The following CTNNA2 variants were observed in gnomAD, a reference collection of about 807,000 sequenced individuals.
The protein encoded by CTNNA2 is catenin alpha 2, also known as catenin alpha-2.
CTNNA2 carries 42 observed loss-of-function variants against 101.0 expected under a neutral mutation model. The observed-to-expected ratio is 0.42, with a 90% confidence interval of 0.32 to 0.54. The LOEUF is 0.54. Ranked by LOEUF, CTNNA2 falls within the 20% of genes least tolerant of loss-of-function variation. The pLI is 0.14. For synonymous variants in CTNNA2, 450 were observed against 456.4 expected (o/e 0.99, Z 0.18); for missense variants, 871 against 1,223.1 (o/e 0.71, Z 4.29).
At chr2:80,550,658 A>G (rs749285297) in intron 11 of CTNNA2, among the ~76,000 whole-genome samples, 7 of 152,228 alleles carry the variant, frequency 4.6e-5, no homozygotes, top group Non-Finnish European at 1.0e-4. Context: ...TTGCTCATAC[A>G]TAAGCAATTC....
chr2:79,214,279 G>A (rs374573552), intron 2 of CTNNA2, among the ~76,000 whole-genome samples: 370 of 152,228 alleles, frequency 2.4e-3, no homozygotes, highest in African/African-American at 8.0e-3. Flanking sequence ...AAGTGAAAGC[G>A]AAGAGAGGCT....
chr2:80,505,326 G>A (rs893476705), intron 9 of CTNNA2, among the ~76,000 whole-genome samples: 2 of 152,152 alleles, frequency 1.3e-5, no homozygotes, highest in Admixed American at 6.5e-5. Flanking sequence ...TTGCCTAAAG[G>A]CATTTCTCTT....
At chr2:79,744,675 A>G in intron 3 of CTNNA2, 93 bp downstream of exon 3, 5 of 1,240,016 alleles carry the variant, frequency 4.0e-6, no homozygotes, top group Non-Finnish European at 5.5e-6. Flanking sequence ...TACTCAAAGA[A>G]GAAGTCTTAC....
chr2:79,952,339 C>T (rs1688943774), intron 7 of CTNNA2, among the ~76,000 whole-genome samples: 1 of 152,126 alleles, frequency 6.6e-6, no homozygotes, highest in Non-Finnish European at 1.5e-5. Context: ...GCAACAACAA[C>T]AACAACCGAA....
At chr2:80,597,168 A>G (rs1184899177) in intron 15 of CTNNA2, among the ~76,000 whole-genome samples, 1 of 152,124 alleles carries the variant, frequency 6.6e-6, no homozygotes, top group Non-Finnish European at 1.5e-5. Context: ...CTCGACAACC[A>G]TCTGATCTTT....
At chr2:79,952,125 TA>T (rs1209457262) in intron 7 of CTNNA2, among the ~76,000 whole-genome samples, 1 of 152,170 alleles carries the variant, frequency 6.6e-6, no homozygotes, top group African/African-American at 2.4e-5. Flanking sequence ...CCAACCCTAG[TA>T]AAAGTAAATT....
intron 7 of CTNNA2, among the ~76,000 whole-genome samples, chr2:79,939,722 T>G (rs890425593): frequency 2.6e-5 from 4 of 152,322 alleles, no homozygotes; most frequent in Middle Eastern, 3.4e-3. Context: ...ATCTTACATA[T>G]TAGCAATAAT....
rs17017640 is a variant in CTNNA2 at position 79,706,961 on chromosome 2, C to G, written c.103-37426C>G. ...AGAATCCTGACTACACAGAGCTTGTCAGTCAAAGGAAATTTGGTGCAAATA... is the reference window on the plus strand; with the variant it reads ...AGAATCCTGACTACACAGAGCTTGTGAGTCAAAGGAAATTTGGTGCAAATA... On this transcript the variant is annotated intron_variant, in intron 2 of 18. Coordinates refer to ENST00000402739, the MANE Select transcript of CTNNA2 (RefSeq NM_001282597.3). 6.9e-3 allele frequency among the ~76,000 whole-genome samples: 1,049 copies of G among 152,240 alleles called. 13 individuals are homozygous for G. The highest frequency in any genetic ancestry group is 0.024 in the African/African-American group (998 of 41,546).
At chr2:80,540,162 A>T (rs1399122388) in intron 9 of CTNNA2, among the ~76,000 whole-genome samples, 1 of 152,102 alleles carries the variant, frequency 6.6e-6, no homozygotes, top group African/African-American at 2.4e-5. Flanking sequence ...TTCCTCCTCC[A>T]TACTTCCCCT....
At chr2:80,021,165 A>G (rs1317472778) in intron 7 of CTNNA2, among the ~76,000 whole-genome samples, 4 of 151,670 alleles carry the variant, frequency 2.6e-5, no homozygotes, top group Non-Finnish European at 1.5e-5. Context: ...GACTACAGGC[A>G]CATGCCACCA....
In CTNNA2 at chr2:79,938,867, A is replaced by G. The variant is rs568527455; in HGVS notation, c.1056+29070A>G. Among the ~76,000 whole-genome samples, 5 of 152,334 alleles carry G rather than the reference A, an allele frequency of 3.3e-5. 1 individual carries two copies. Among genetic ancestry groups the G allele is most frequent in the African/African-American group, 1.2e-4 (5 of 41,586 alleles). On this transcript the variant is annotated intron_variant, in intron 7 of 18. Coordinates refer to ENST00000402739, the MANE Select transcript of CTNNA2 (RefSeq NM_001282597.3). ...GGTTTTAAAGCTAAGATGAATAGGT[A>G]GATAAGGTAGAATTGGTCAAAAACA...
At chr2:79,687,607 A>G (rs537126872) in intron 2 of CTNNA2, 1 of 702,864 alleles carries the variant, frequency 1.4e-6, no homozygotes, top group African/African-American at 1.8e-5. Context: ...AAATCACATA[A>G]ATCTGTATTG....
intron 2 of CTNNA2, among the ~76,000 whole-genome samples, chr2:79,271,920 G>A (rs866166228): frequency 2.0e-5 from 3 of 151,872 alleles, no homozygotes; most frequent in African/African-American, 4.8e-5. Context: ...AGCCCTTATC[G>A]GCCTAGATCA....
intron 7 of CTNNA2, among the ~76,000 whole-genome samples, chr2:80,142,727 A>G (rs1703090489): frequency 6.6e-6 from 1 of 152,156 alleles, no homozygotes; most frequent in African/African-American, 2.4e-5. Context: ...GCCCAAAGCC[A>G]TGGTTTTTAG....
At chr2:79,872,147 T>A (rs1308939212) in intron 5 of CTNNA2, among the ~76,000 whole-genome samples, 1 of 152,220 alleles carries the variant, frequency 6.6e-6, no homozygotes, top group East Asian at 1.9e-4. Flanking sequence ...TTCTGCTTTT[T>A]AATTTATCTT....
intron 6 of CTNNA2, among the ~76,000 whole-genome samples, chr2:79,903,895 G>C (rs1399543535): frequency 6.6e-6 from 1 of 152,188 alleles, no homozygotes; most frequent in Non-Finnish European, 1.5e-5. Flanking sequence ...GACTGCAGTA[G>C]AACTACAGGT....
At chr2:80,530,542 A>T (rs1573155121) in intron 9 of CTNNA2, among the ~76,000 whole-genome samples, 1 of 152,188 alleles carries the variant, frequency 6.6e-6, no homozygotes, top group South Asian at 2.1e-4. Context: ...GTGACATTAG[A>T]TAGCCAGGAA....
At chr2:79,811,335 A>C (rs149405531) in intron 3 of CTNNA2, among the ~76,000 whole-genome samples, 3,824 of 152,074 alleles carry the variant, frequency 0.025, 156 homozygotes, top group African/African-American at 0.084. Context: ...TCTTTTGAGG[A>C]GTGTCTGTTG....
At chr2:79,416,685 C>T (rs1483210064) in intron 4 of CTNNA2, among the ~76,000 whole-genome samples, 1 of 151,986 alleles carries the variant, frequency 6.6e-6, no homozygotes, top group Non-Finnish European at 1.5e-5. Flanking sequence ...CCTGGGTTAA[C>T]AGTTAGGGAC....
Sources: gnomAD v4.1 joint callset for allele counts (sites outside exome capture counted in the v4.1 genomes callset) on GRCh38, gnomAD v4.1.1 for gene constraint, MANE v1.5 for transcripts, NCBI Gene and HGNC (gene_info 2026-07-23, HGNC 2026-07-21) for gene names.